Variants in EEF2K observed in about 807,000 individuals in gnomAD.
EEF2K encodes alternative protein EEF2K.
EEF2K carries 70 observed loss-of-function variants against 93.8 expected under a neutral mutation model. The observed-to-expected ratio is 0.75, with a 90% CI of 0.62 to 0.91. EEF2K has a LOEUF of 0.91. Among genes scored for constraint, EEF2K ranks in the 40% least tolerant of loss-of-function variants. The pLI is 0.00. For synonymous variants in EEF2K, 376 were observed against 380.8 expected, an observed-to-expected ratio of 0.99 and a Z score of 0.15; for missense variants, 935 against 972.9, an observed-to-expected ratio of 0.96 and a Z score of 0.52.
At chr16:22,233,161 A>G (rs1156773961) in intron 2 of EEF2K, among the ~76,000 whole-genome samples, 1 of 152,176 alleles carries the variant, frequency 6.6e-6, no homozygotes, top group Non-Finnish European at 1.5e-5. Context: ...GTTAAATCTA[A>G]AAAGAATACA....
At chr16:22,217,345 T>C (rs1189086716) in intron 1 of EEF2K, among the ~76,000 whole-genome samples, 1 of 151,474 alleles carries the variant, frequency 6.6e-6, no homozygotes, top group Non-Finnish European at 1.5e-5. Flanking sequence ...TTCACTAGAG[T>C]TGAGCAGTAC....
At chr16:22,257,185 C>T (rs963275581) in intron 7 of EEF2K, 68 bp from the exon 8 acceptor site, 25 of 1,606,838 alleles carry the variant, frequency 1.6e-5, no homozygotes, top group Admixed American at 6.9e-5. Context: ...TGGGCAGAGG[C>T]GTGGCCAGTG....
chr16:22,207,120 G>A (rs1381624708), intron 1 of EEF2K, among the ~76,000 whole-genome samples: 1 of 152,184 alleles, frequency 6.6e-6, no homozygotes, highest in Non-Finnish European at 1.5e-5. Context: ...CTGTATAGAC[G>A]CGCCCTTGCT....
chr16:22,221,019 T>A (rs997750349), intron 1 of EEF2K, among the ~76,000 whole-genome samples: 1 of 152,214 alleles, frequency 6.6e-6, no homozygotes, highest in African/African-American at 2.4e-5. Flanking sequence ...CAGGATCAGG[T>A]GGCTCTGGCA....
At chr16:22,225,582 TG>T (rs2047054228) in intron 1 of EEF2K, 71 bp from the exon 2 acceptor site, 1 of 1,239,506 alleles carries the variant, frequency 8.1e-7, no homozygotes. Flanking sequence ...CTGCAGCATT[TG>T]GGGTGAGGGT....
In EEF2K at chr16:22,258,526, G is replaced by C; in HGVS notation, c.1062G>C (p.Glu354Asp). 1.9e-6 allele frequency: 3 copies of C among 1,614,062 alleles called. No homozygotes were observed. Among genetic ancestry groups the C allele is most frequent in the Non-Finnish European group, 2.5e-6 (3 of 1,180,024 alleles). The stretch of plus-strand genomic sequence containing the variant: ...CCAAGACCATCTTGAGAGGAACAGA[G>C]GAAAAATGTGGGAGCCCCCAAGTAA... ...QSAKTILRGT[E>D]EKCGSPQVRT... is the part of the protein sequence containing the mutation. The change falls in exon 10 of 18, where the codon GAG (glutamate) becomes GAC (aspartate). Residue 354 changes from glutamate (E) to aspartate (D), a missense_variant. Transcript: ENST00000263026.
chr16:22,212,045 T>G (rs556906472), intron 1 of EEF2K, among the ~76,000 whole-genome samples: 1 of 152,132 alleles, frequency 6.6e-6, no homozygotes, highest in South Asian at 2.1e-4. Context: ...ACCGTGGACA[T>G]GCAGAGAGTG....
chr16:22,223,480 TG>T (rs1195581904), intron 1 of EEF2K, among the ~76,000 whole-genome samples: 4 of 152,146 alleles, frequency 2.6e-5, no homozygotes, highest in African/African-American at 9.7e-5. Context: ...GGTTTCGCCA[TG>T]TTGGCCAGGC....
At chr16:22,241,812 T>C (rs2047226366) in intron 2 of EEF2K, among the ~76,000 whole-genome samples, 1 of 151,994 alleles carries the variant, frequency 6.6e-6, no homozygotes. Flanking sequence ...CAGGCTTTAT[T>C]TTTTGAACTC....
intron 1 of EEF2K, 136 bp from the exon 2 acceptor site, chr16:22,225,518 T>TC (rs1432181530): frequency 1.5e-6 from 1 of 648,292 alleles, no homozygotes; most frequent in African/African-American, 1.8e-5. Flanking sequence ...GCCAACTGCC[T>TC]CCCCAAAAGA....
intron 1 of EEF2K, among the ~76,000 whole-genome samples, chr16:22,222,573 A>G (rs1308955166): frequency 6.6e-6 from 1 of 151,726 alleles, no homozygotes; most frequent in Non-Finnish European, 1.5e-5. Flanking sequence ...CTGCTCATTT[A>G]AAATGTACGA....
At chr16:22,217,371 A>T (rs756127739) in intron 1 of EEF2K, among the ~76,000 whole-genome samples, 1 of 152,146 alleles carries the variant, frequency 6.6e-6, no homozygotes. Flanking sequence ...CTATATGATC[A>T]TATACAGTGG....
intron 15 of EEF2K, among the ~76,000 whole-genome samples, chr16:22,270,535 G>T (rs1171700483): frequency 6.6e-6 from 1 of 152,044 alleles, no homozygotes; most frequent in African/African-American, 2.4e-5. Flanking sequence ...ACAGGTATAA[G>T]CCACCATGCC....
chr16:22,217,692 A>G (rs886380050), intron 1 of EEF2K, among the ~76,000 whole-genome samples: 3 of 152,120 alleles, frequency 2.0e-5, no homozygotes, highest in Non-Finnish European at 4.4e-5. Context: ...ACCTCAGGTG[A>G]TCCACCTGCC....
intron 8 of EEF2K, 32 bp from the exon 9 acceptor site, chr16:22,257,611 C>G: frequency 6.2e-7 from 1 of 1,607,612 alleles, no homozygotes; most frequent in South Asian, 1.1e-5. Context: ...CAGAGCAAAG[C>G]AACACTCCAG....
intron 4 of EEF2K, 49 bp downstream of exon 4, chr16:22,248,864 C>A: frequency 6.3e-7 from 1 of 1,591,608 alleles, no homozygotes. Context: ...CAAAGACTTT[C>A]TGCAGCTAAC....
chr16:22,238,579 G>A (rs1211006354), intron 2 of EEF2K, among the ~76,000 whole-genome samples: 1 of 150,154 alleles, frequency 6.7e-6, no homozygotes, highest in Non-Finnish European at 1.5e-5. Context: ...CCAGGAGTTG[G>A]AGGCTTCAGT....
At chr16:22,245,567 G>A (rs1480796053) in intron 3 of EEF2K, among the ~76,000 whole-genome samples, 3 of 151,994 alleles carry the variant, frequency 2.0e-5, no homozygotes, top group African/African-American at 7.3e-5. Flanking sequence ...TGAGAGGTGC[G>A]CTAAGGGAAA....
intron 3 of EEF2K, among the ~76,000 whole-genome samples, chr16:22,248,338 C>T (rs376518651): frequency 3.3e-5 from 5 of 152,256 alleles, no homozygotes; most frequent in South Asian, 4.2e-4. Flanking sequence ...GCTGGGATTA[C>T]GGGCGTGAAC....
Sources: gnomAD v4.1 joint callset for allele counts (sites outside exome capture counted in the v4.1 genomes callset) on GRCh38, gnomAD v4.1.1 for gene constraint, MANE v1.5 for transcripts, NCBI Gene and HGNC (gene_info 2026-07-23, HGNC 2026-07-21) for gene names.